Variants in NXPH1 observed in about 807,000 individuals in gnomAD.
NXPH1 encodes the protein neurexophilin-1.
NXPH1 carries 5 observed loss-of-function variants against 23.7 expected under a neutral mutation model. The observed-to-expected ratio is 0.21, with a 90% CI of 0.11 to 0.44. The LOEUF (loss-of-function observed/expected upper bound fraction) is 0.44, where lower values mean the gene tolerates loss of function less well. Ranked by LOEUF, NXPH1 falls within the 20% of genes least tolerant of loss-of-function variation. The pLI, the probability that NXPH1 is intolerant of heterozygous loss-of-function variation, is 0.99. For synonymous variants in NXPH1, 144 were observed against 122.2 expected (o/e 1.18, Z -1.18); for missense variants, 324 against 321.6 (o/e 1.01, Z -0.06).
At chr7:8,667,427 G>A (rs1050835611) in intron 2 of NXPH1, among the ~76,000 whole-genome samples, 3 of 147,610 alleles carry the variant, frequency 2.0e-5, no homozygotes, top group African/African-American at 7.4e-5. Flanking sequence ...GTTTCTGAGA[G>A]TATCTTTGTC....
At chr7:8,542,120 A>G (rs1818127225) in intron 2 of NXPH1, among the ~76,000 whole-genome samples, 1 of 151,292 alleles carries the variant, frequency 6.6e-6, no homozygotes, top group African/African-American at 2.4e-5. Context: ...GAAACACTTT[A>G]TCAATTATAA....
At chr7:8,484,906 TA>T (rs1487086793) in intron 2 of NXPH1, among the ~76,000 whole-genome samples, 3 of 152,290 alleles carry the variant, frequency 2.0e-5, no homozygotes, top group African/African-American at 4.8e-5. Context: ...TGTAAGCTTC[TA>T]AAAAAATATA....
intron 2 of NXPH1, among the ~76,000 whole-genome samples, chr7:8,722,336 T>C (rs1433416332): frequency 6.6e-6 from 1 of 152,186 alleles, no homozygotes; most frequent in Non-Finnish European, 1.5e-5. Context: ...GAAACACATA[T>C]AAAACATTTT....
chr7:8,571,129 C>T (rs888586427), intron 2 of NXPH1, among the ~76,000 whole-genome samples: 6 of 151,736 alleles, frequency 4.0e-5, no homozygotes, highest in Non-Finnish European at 8.8e-5. Context: ...TATGTGGTCC[C>T]ACCTCACCCA....
chr7:8,601,389 T>G lies in NXPH1; in HGVS notation c.55-149619T>G, dbSNP rs1819355177. ...GTTGCCAAATCACTTTTCAATGCATTAAGGGAAAAAAATGCAAAAAGACAA... is the reference window on the plus strand; with the variant it reads ...GTTGCCAAATCACTTTTCAATGCATGAAGGGAAAAAAATGCAAAAAGACAA... On this transcript the variant is annotated intron_variant, in intron 2 of 2. Coordinates refer to ENST00000405863, the MANE Select transcript of NXPH1 (RefSeq NM_152745.3). Among the ~76,000 whole-genome samples the G allele has an allele frequency of 2.0e-5, 3 of 151,106 alleles. No individual in the cohort carries two copies. In the South Asian group the frequency reaches 6.3e-4, roughly 32 times the overall value.
intron 2 of NXPH1, among the ~76,000 whole-genome samples, chr7:8,713,795 C>T (rs535454968): frequency 6.6e-6 from 1 of 152,236 alleles, no homozygotes; most frequent in South Asian, 2.1e-4. Context: ...TGTTCTCTTC[C>T]CGTAATTTCT....
chr7:8,547,336 G>T (rs910532013), intron 2 of NXPH1, among the ~76,000 whole-genome samples: 26 of 151,372 alleles, frequency 1.7e-4, no homozygotes, highest in Non-Finnish European at 3.0e-5. Context: ...TCTCTTAAAG[G>T]GTTCCAGATA....
chr7:8,551,683 T>C (rs1017918261), intron 2 of NXPH1, among the ~76,000 whole-genome samples: 1 of 151,508 alleles, frequency 6.6e-6, no homozygotes, highest in African/African-American at 2.4e-5. Context: ...TAAAATAAGA[T>C]TTAGGAATAT....
chr7:8,458,347 T>C (rs1323751088), intron 2 of NXPH1, among the ~76,000 whole-genome samples: 1 of 152,210 alleles, frequency 6.6e-6, no homozygotes, highest in Non-Finnish European at 1.5e-5. Context: ...CTGTGGTTGA[T>C]ATATACTGGA....
At chr7:8,531,603 T>C (rs1817950655) in intron 2 of NXPH1, among the ~76,000 whole-genome samples, 1 of 152,208 alleles carries the variant, frequency 6.6e-6, no homozygotes. Context: ...GCTTGTTTAT[T>C]GTCTGACTTC....
chr7:8,573,592 C>T (rs1818693436), intron 2 of NXPH1, among the ~76,000 whole-genome samples: 1 of 152,088 alleles, frequency 6.6e-6, no homozygotes, highest in African/African-American at 2.4e-5. Flanking sequence ...CCTGAAAAGG[C>T]ACTTTAGAAC....
chr7:8,701,068 C>T (rs1006754894), intron 2 of NXPH1, among the ~76,000 whole-genome samples: 1 of 152,008 alleles, frequency 6.6e-6, no homozygotes, highest in Non-Finnish European at 1.5e-5. Context: ...CACTGAATCA[C>T]CTTCCAACCT....
At chr7:8,455,842 T>C (rs1428880902) in intron 2 of NXPH1, among the ~76,000 whole-genome samples, 10 of 152,364 alleles carry the variant, frequency 6.6e-5, no homozygotes, top group East Asian at 3.9e-4. Context: ...GGCATACTTA[T>C]AATTTGTTCA....
chr7:8,552,229 CT>C (rs1265998370), intron 2 of NXPH1, among the ~76,000 whole-genome samples: 1 of 150,322 alleles, frequency 6.7e-6, no homozygotes, highest in Non-Finnish European at 1.5e-5. Context: ...AGGAGTACTA[CT>C]GCTGACAATT....
At chr7:8,502,375 T>A (rs573620532) in intron 2 of NXPH1, among the ~76,000 whole-genome samples, 7 of 152,140 alleles carry the variant, frequency 4.6e-5, no homozygotes, top group Admixed American at 3.9e-4. Context: ...ATTTCTTTTT[T>A]TTCCTGGCCC....
chr7:8,526,083 G>C (rs1428829159), intron 2 of NXPH1, among the ~76,000 whole-genome samples: 1 of 152,214 alleles, frequency 6.6e-6, no homozygotes, highest in Non-Finnish European at 1.5e-5. Flanking sequence ...CCAGGAGAGA[G>C]GCTGTATCCT....
chr7:8,590,531 C>A (rs560718372), intron 2 of NXPH1, among the ~76,000 whole-genome samples: 6 of 152,038 alleles, frequency 3.9e-5, no homozygotes, highest in Non-Finnish European at 5.9e-5. Context: ...CCTGCCTTAC[C>A]GCAAGAATGT....
chr7:8,572,521 A>C (rs931874928), intron 2 of NXPH1, among the ~76,000 whole-genome samples: 2 of 152,016 alleles, frequency 1.3e-5, no homozygotes, highest in African/African-American at 4.8e-5. Flanking sequence ...GTGGCAAGAC[A>C]GTCTATTATT....
chr7:8,499,520 T>A (rs750275187), intron 2 of NXPH1, among the ~76,000 whole-genome samples: 3 of 152,106 alleles, frequency 2.0e-5, no homozygotes, highest in Admixed American at 6.6e-5. Context: ...CTAAGTAGCT[T>A]GTAGTTTGGT....
Sources: allele counts gnomAD v4.1 joint callset (sites outside exome capture counted in the v4.1 genomes callset), GRCh38; gene constraint gnomAD v4.1.1; transcripts MANE v1.5; gene names NCBI Gene and HGNC (gene_info 2026-07-23, HGNC 2026-07-21).